Variants in ADGRG7 observed in about 807,000 individuals in gnomAD.
ADGRG7 encodes G-protein coupled receptor 128.
Under a neutral mutation model 88.6 loss-of-function variants are expected in ADGRG7, and 82 were observed. That is an observed-to-expected ratio of 0.93 (90% CI 0.77 to 1.11). The LOEUF is 1.11. Ranked by LOEUF, ADGRG7 falls within the 50% of genes most tolerant of loss-of-function variation. ADGRG7 has a pLI of 0.00. For synonymous variants in ADGRG7, 381 were observed against 345.2 expected, an observed-to-expected ratio of 1.10 and a Z score of -1.15; for missense variants, 945 against 953.4, an observed-to-expected ratio of 0.99 and a Z score of 0.12.
Position 100,646,073 on chromosome 3 carries a change from C to G in ADGRG7, c.1075C>G (p.Gln359Glu). The change falls in exon 9 of 16, where the codon CAG becomes GAG. Residue 359 changes from glutamine to glutamate, a missense_variant. Transcript: ENST00000273352. ...SSKTDENEQDQSASVDMVFSP... is the reference protein window; with the variant it reads ...SSKTDENEQDESASVDMVFSP... ...CAAAACTGATGAAAATGAGCAAGAT[C>G]AGAGTGCTTCTGTTGACATGGTCTT... The G allele has an allele frequency of 6.2e-7, 1 of 1,613,944 alleles. No individual in the cohort carries two copies. The highest frequency in any genetic ancestry group is 1.3e-5 in the African/African-American group (1 of 75,024).
At chr3:100,610,370 T>C (rs1488042342) in intron 1 of ADGRG7, among the ~76,000 whole-genome samples, 1 of 152,078 alleles carries the variant, frequency 6.6e-6, no homozygotes, top group Non-Finnish European at 1.5e-5. Flanking sequence ...ATAACACACA[T>C]ACAATCAAAC....
At chr3:100,619,448 G>C (rs1283541027) in intron 1 of ADGRG7, among the ~76,000 whole-genome samples, 1 of 152,106 alleles carries the variant, frequency 6.6e-6, no homozygotes, top group East Asian at 1.9e-4. Flanking sequence ...GCCCACAAGA[G>C]AAAGCAGGAA....
At position 100,609,780 on chromosome 3, in the gene ADGRG7, G is replaced by A. The variant is rs1267164912; in HGVS notation, c.-77G>A. On this transcript the variant is annotated 5_prime_UTR_variant, in exon 1 of 16. Coordinates refer to ENST00000273352, the MANE Select transcript of ADGRG7 (RefSeq NM_032787.3). ...GTTTTTCTGTTTTAGAATAGTTTCC[G>A]ATTAAACTTTTTAGCTCAAGAAGAA... is the stretch of plus-strand genomic sequence containing the variant. 20 of 1,078,600 alleles carry A rather than the reference G, an allele frequency of 1.9e-5. No individual in the cohort carries two copies. The highest frequency in any genetic ancestry group is 2.0e-4 in the Middle Eastern group (1 of 4,974). The allele number at this position is 1,078,600 out of a possible 1,614,324, so 66.8% of individuals were successfully genotyped here.
intron 13 of ADGRG7, among the ~76,000 whole-genome samples, chr3:100,659,423 G>A (rs1251129931): frequency 8.9e-6 from 1 of 112,254 alleles, no homozygotes; most frequent in African/African-American, 3.5e-5. Flanking sequence ...CTGGGCGACA[G>A]AGCAAGACTC....
At chr3:100,683,740 G>C (rs544814329) in intron 15 of ADGRG7, among the ~76,000 whole-genome samples, 22 of 152,328 alleles carry the variant, frequency 1.4e-4, no homozygotes, top group African/African-American at 5.1e-4. Flanking sequence ...TGGCCACATA[G>C]ATTTCTGTCT....
intron 15 of ADGRG7, among the ~76,000 whole-genome samples, chr3:100,693,541 C>T (rs998623124): frequency 1.3e-5 from 2 of 152,114 alleles, no homozygotes; most frequent in African/African-American, 4.8e-5. Context: ...AGGGTCTTTC[C>T]AGAGTACCAG....
In ADGRG7 at chr3:100,694,867, A is replaced by C. The variant is rs765592102; in HGVS notation, c.2260A>C (p.Arg754=). Residue 754 remains arginine, a synonymous_variant, in exon 16 of 16, where the codon AGG becomes CGG. Transcript: ENST00000273352. ...GTCATTGCCTTCAGTGACGCGGCCGAGGCTGCGTGTAAAGATGTATAATTT... is the reference window on the plus strand; with the variant it reads ...GTCATTGCCTTCAGTGACGCGGCCGCGGCTGCGTGTAAAGATGTATAATTT... ...RKSLPSVTRP[R]LRVKMYNFLR... 6.4e-5 allele frequency: 104 copies of C among 1,614,084 alleles called. No homozygotes were observed. The Middle Eastern group carries it at 8.2e-4, about 13-fold the overall frequency.
At chr3:100,637,907 C>G (rs1707572830) in intron 6 of ADGRG7, among the ~76,000 whole-genome samples, 1 of 152,238 alleles carries the variant, frequency 6.6e-6, no homozygotes, top group Non-Finnish European at 1.5e-5. Flanking sequence ...ACTCAGCCCA[C>G]CCCACTCAAC....
chr3:100,689,436 T>C (rs570232285), intron 15 of ADGRG7, among the ~76,000 whole-genome samples: 1 of 152,350 alleles, frequency 6.6e-6, no homozygotes, highest in African/African-American at 2.4e-5. Flanking sequence ...GCCAGTTATT[T>C]TGCTCGTTAG....
Position 100,618,265 on chromosome 3 carries a change from G to C in ADGRG7, c.115+8294G>C, listed in dbSNP as rs191364562. On this transcript the variant is annotated intron_variant, in intron 1 of 15. Coordinates refer to ENST00000273352, the MANE Select transcript of ADGRG7 (RefSeq NM_032787.3). ...TTTGGCTTTTGCTGCCATTGCTTTT[G>C]GTGTTTTCGACATGAAGTCCTTGCC... 3.5e-3 allele frequency among the ~76,000 whole-genome samples: 530 copies of C among 152,160 alleles called. 3 individuals carry two copies. The highest frequency in any genetic ancestry group is 0.012 in the African/African-American group (507 of 41,526).
At chr3:100,693,509 T>C (rs1239075616) in intron 15 of ADGRG7, among the ~76,000 whole-genome samples, 4 of 152,168 alleles carry the variant, frequency 2.6e-5, no homozygotes, top group African/African-American at 7.2e-5. Context: ...CCAACACTTA[T>C]TGATTTTTTA....
chr3:100,655,385 A>T (rs1232918570), intron 12 of ADGRG7, among the ~76,000 whole-genome samples: 1 of 152,206 alleles, frequency 6.6e-6, no homozygotes, highest in Non-Finnish European at 1.5e-5. Flanking sequence ...AATACGAGAT[A>T]CATCGTAAAC....
chr3:100,687,135 A>T (rs1229601086), intron 15 of ADGRG7, among the ~76,000 whole-genome samples: 90 of 152,216 alleles, frequency 5.9e-4, no homozygotes, highest in African/African-American at 1.7e-3. Flanking sequence ...TTATTCTCTT[A>T]GAAGCAATTG....
intron 11 of ADGRG7, among the ~76,000 whole-genome samples, chr3:100,653,781 A>T (rs1209043803): frequency 6.6e-6 from 1 of 150,576 alleles, no homozygotes; most frequent in Non-Finnish European, 1.5e-5. Flanking sequence ...GTCTCAGAGG[A>T]CTTTCATGCA....
chr3:100,642,840 T>G (rs531005017), intron 6 of ADGRG7, among the ~76,000 whole-genome samples: 16 of 152,278 alleles, frequency 1.1e-4, no homozygotes, highest in African/African-American at 3.9e-4. Flanking sequence ...AAAACATGCT[T>G]TGGATCCTAA....
At position 100,654,836 on chromosome 3, in the gene ADGRG7, A is replaced by G. The variant is rs561177607; in HGVS notation, c.1381A>G (p.Lys461Glu). 1.3e-6 allele frequency: 2 copies of G among 1,535,842 alleles called. No homozygotes were observed. The highest frequency in any genetic ancestry group is 1.8e-6 in the Non-Finnish European group (2 of 1,138,704). ...TTATATTAATTTACTTATTTTCAGG[A>G]AAGTCAGAAAAACCTCAGTAACCTG... The part of the protein sequence containing the change: ...LTVIFQIVTR[K>E]VRKTSVTWVL... Residue 461 changes from lysine (K) to glutamate (E), a missense_variant and splice_region_variant, in exon 12 of 16, where the codon AAA becomes GAA. Physicochemically the swap from Lys to Glu is moderately conservative, Grantham distance 56 (BLOSUM62 1). Transcript: ENST00000273352.
intron 1 of ADGRG7, among the ~76,000 whole-genome samples, chr3:100,617,850 A>G (rs1559668983): frequency 2.0e-5 from 3 of 152,050 alleles, no homozygotes; most frequent in Non-Finnish European, 4.4e-5. Flanking sequence ...AAGTGTTCCT[A>G]TTTCTCCACA....
intron 3 of ADGRG7, 139 bp from the exon 4 acceptor site, chr3:100,633,126 A>G (rs1707478780): frequency 1.0e-5 from 4 of 397,536 alleles, no homozygotes; most frequent in Non-Finnish European, 1.8e-5. Flanking sequence ...CAAGATAATA[A>G]GTGGTATCTG....
chr3:100,617,232 T>C lies in ADGRG7; in HGVS notation c.115+7261T>C, dbSNP rs553012720. Among the ~76,000 whole-genome samples, 7 of 152,310 alleles carry C rather than the reference T, an allele frequency of 4.6e-5. No individual in the cohort carries two copies. In the South Asian group the frequency reaches 1.0e-3, roughly 23 times the overall value. On this transcript the variant is annotated intron_variant, in intron 1 of 15. Coordinates refer to ENST00000273352, the MANE Select transcript of ADGRG7 (RefSeq NM_032787.3). ...ATTTTCTTTTTTTCTTTTTCTTTTT[T>C]ATTGTACTTTAAGTTTTAGGGTACA... is the stretch of plus-strand genomic sequence containing the variant.
Sources: allele counts gnomAD v4.1 joint callset (sites outside exome capture counted in the v4.1 genomes callset), GRCh38; gene constraint gnomAD v4.1.1; transcripts MANE v1.5; gene names NCBI Gene and HGNC (gene_info 2026-07-23, HGNC 2026-07-21).